DOCK6: variants seen among roughly 807,000 people sequenced by gnomAD.
DOCK6 encodes dedicator of cytokinesis 6, also known as dedicator of cytokinesis protein 6.
In DOCK6, 167 loss-of-function variants were observed where a neutral mutation model predicts 230.3. The observed-to-expected ratio is 0.73, with a 90% CI of 0.64 to 0.82. The LOEUF (loss-of-function observed/expected upper bound fraction) is 0.82. Among genes scored for constraint, DOCK6 ranks in the 40% least tolerant of loss-of-function variants. The pLI is 0.00. For missense variants in DOCK6, 2,598 were observed against 2,825.8 expected, an observed-to-expected ratio of 0.92 and a Z score of 1.83; for synonymous variants, 1,148 against 1,185.0, an observed-to-expected ratio of 0.97 and a Z score of 0.64.
At chr19:11,246,874 A>G (rs1599277866) in intron 7 of DOCK6, among the ~76,000 whole-genome samples, 1 of 151,706 alleles carries the variant, frequency 6.6e-6, no homozygotes, top group Non-Finnish European at 1.5e-5. Flanking sequence ...AACACTGAGC[A>G]CTCCCCGTTA....
intron 31 of DOCK6, 120 bp downstream of exon 31, chr19:11,215,681 T>A (rs2079473971): frequency 6.5e-7 from 1 of 1,533,152 alleles, no homozygotes; most frequent in Non-Finnish European, 8.9e-7. Context: ...ATTTGTGGAC[T>A]TCTCTCCAGG....
intron 14 of DOCK6, among the ~76,000 whole-genome samples, chr19:11,240,582 CTTTT>C (rs869249463): frequency 1.5e-5 from 2 of 136,318 alleles, no homozygotes. Context: ...TCAATAAATT[CTTTT>C]TTTTTTTTTT....
At chr19:11,214,017 A>T (rs1302970540) in intron 34 of DOCK6, among the ~76,000 whole-genome samples, 1 of 151,994 alleles carries the variant, frequency 6.6e-6, no homozygotes, top group Non-Finnish European at 1.5e-5. Flanking sequence ...TCCTAGGCTC[A>T]CATGATCTTC....
At chr19:11,229,385 G>A (rs1330278837) in intron 22 of DOCK6, 2 of 1,081,848 alleles carry the variant, frequency 1.8e-6, no homozygotes, top group South Asian at 3.5e-5. Context: ...AGTTGCAGTC[G>A]ATGGCCTATG....
intron 7 of DOCK6, 122 bp from the exon 8 acceptor site, chr19:11,246,000 C>T (rs2080027425): frequency 2.8e-6 from 3 of 1,083,570 alleles, no homozygotes; most frequent in South Asian, 3.0e-5. Context: ...GGAACCGCCA[C>T]TTAAGGGCTT....
intron 1 of DOCK6, 115 bp from the exon 2 acceptor site, chr19:11,253,841 A>G: frequency 4.0e-6 from 3 of 741,516 alleles, no homozygotes; most frequent in Non-Finnish European, 6.5e-6. Flanking sequence ...GCCGAGGGCC[A>G]AGAGAACCAG....
At chr19:11,226,643 A>G (rs2147796239) in intron 24 of DOCK6, among the ~76,000 whole-genome samples, 1 of 152,352 alleles carries the variant, frequency 6.6e-6, no homozygotes, top group South Asian at 2.1e-4. Context: ...GGACAACAAG[A>G]GTGAAACTCT....
rs745729978 is a variant in DOCK6, at chr19:11,212,127, C to T, written c.4516G>A (p.Val1506Ile). 6.2e-7 allele frequency: 1 copy of T among 1,611,402 alleles called. No homozygotes were observed. The highest frequency in any genetic ancestry group is 1.1e-5 in the South Asian group (1 of 90,964). Residue 1506 changes from valine (V) to isoleucine (I), a missense_variant, in exon 36 of 48, where the codon GTC becomes ATC. Transcript: ENST00000294618. ...ACCAGGGACGAGAGAGACATGGTGA[C>T]CTGCATCTTCACACGGGCAAAGTTC... ...GHNFARVKMQ[V>I]TMSLSSLVGT...
chr19:11,215,444 T>G lies in DOCK6; in HGVS notation c.4049A>C (p.Asn1350Thr). ...RERSPFGNPENVRWRKSVTHW... is the reference protein window; with the variant it reads ...RERSPFGNPETVRWRKSVTHW... ...TGTGACGCTCTTCCGCCAGCGCACA[T>G]TCTCCGGATTCCCAAACGGGCTCCT... The change falls in exon 32 of 48, where the codon AAT becomes ACT. Residue 1350 changes from asparagine to threonine, a missense_variant. By Grantham distance (65) the Asn-to-Thr change is moderately conservative. Transcript: ENST00000294618. The G allele has an allele frequency of 6.2e-7, 1 of 1,613,426 alleles. No homozygotes were observed. The highest frequency in any genetic ancestry group is 8.5e-7 in the Non-Finnish European group (1 of 1,179,850).
At chr19:11,216,588 T>C (rs934004783) in intron 30 of DOCK6, 13 of 281,718 alleles carry the variant, frequency 4.6e-5, no homozygotes, top group Non-Finnish European at 7.6e-5. Flanking sequence ...TTTGTATTTT[T>C]AGTAGAGACG....
chr19:11,240,232 G>A (rs773581407), intron 14 of DOCK6: 82 of 1,577,360 alleles, frequency 5.2e-5, no homozygotes, highest in Non-Finnish European at 6.2e-5. Context: ...AGCGTGCAGC[G>A]GCTAGAAGTC....
At chr19:11,248,253 T>TA (rs2080066819) in intron 6 of DOCK6, 102 bp from the exon 7 acceptor site, 6 of 855,462 alleles carry the variant, frequency 7.0e-6, no homozygotes, top group Non-Finnish European at 1.1e-5. Context: ...CCAGCCTGAC[T>TA]AACCGTCTTT....
chr19:11,252,504 C>T lies in DOCK6; in HGVS notation c.355G>A (p.Asp119Asn). 1 of 1,613,854 alleles carries T rather than the reference C, an allele frequency of 6.2e-7. No individual in the cohort carries two copies. Among genetic ancestry groups the T allele is most frequent in the African/African-American group, 1.3e-5 (1 of 75,034 alleles). The change falls in exon 4 of 48, where the codon GAC becomes AAC. Residue 119 changes from aspartate to asparagine, a missense_variant. Coordinates refer to ENST00000294618, the MANE Select transcript of DOCK6 (RefSeq NM_020812.4). ...VRAAVEMYIEDWVIVHRRYQY... is the reference protein window; with the variant it reads ...VRAAVEMYIENWVIVHRRYQY... ...CACCTTCTGTGGACAATGACCCAGT[C>T]CTCAATATACATCTCCACCGCGGCC...
chr19:11,203,989 T>TC, intron 41 of DOCK6, 92 bp downstream of exon 41: 4 of 1,504,984 alleles, frequency 2.7e-6, no homozygotes, highest in Non-Finnish European at 3.6e-6. Flanking sequence ...GCGGCCATGC[T>TC]CCTCTGGTGC....
At position 11,222,819 on chromosome 19, in the gene DOCK6, C is replaced by T. The variant is rs2147784612; in HGVS notation, c.3156G>A (p.Glu1052=). ...MEFTRILCSH[E]HYVTLNLPCC... is the part of the protein sequence containing the mutation. Reference sequence around the variant, plus strand: ...AGGGGAGGTTGAGGGTCACGTAGTGCTCGTGGCTGCACAGGATGCGGGTGA... The same window carrying T: ...AGGGGAGGTTGAGGGTCACGTAGTGTTCGTGGCTGCACAGGATGCGGGTGA... The change falls in exon 26 of 48, where the codon GAG becomes GAA. Residue 1052 remains glutamate, a synonymous_variant. Coordinates refer to ENST00000294618, the MANE Select transcript of DOCK6 (RefSeq NM_020812.4). The surrounding 1 kb of genome is among the most constrained non-coding windows in gnomAD (Gnocchi z 4.0). The T allele has an allele frequency of 1.3e-6, 2 of 1,595,342 alleles. No homozygotes were observed. Among genetic ancestry groups the T allele is most frequent in the South Asian group, 2.3e-5 (2 of 88,304 alleles).
At position 11,222,905 on chromosome 19, in the gene DOCK6, C is replaced by A; in HGVS notation, c.3070G>T (p.Val1024Leu). ...GGGGACGACTGGAGCCGCGTGGCCA[C>A]CTGCAGGAGAGGGGTGGCCATCAGT... The part of the protein sequence containing the change: ...FSLVRAHYKQ[V>L]ATRLQSSPNP... Residue 1024 changes from valine to leucine, a missense_variant and splice_region_variant, in exon 26 of 48, where the codon GTG becomes TTG. By Grantham distance (32) the Val-to-Leu change is conservative. Transcript: ENST00000294618. The surrounding 1 kb of genome is among the most constrained non-coding windows in gnomAD (Gnocchi z 4.0). 3 of 1,610,842 alleles carry A rather than the reference C, an allele frequency of 1.9e-6. No individual in the cohort carries two copies. The highest frequency in any genetic ancestry group is 1.1e-5 in the South Asian group (1 of 90,688).
intron 24 of DOCK6, 133 bp from the exon 25 acceptor site, chr19:11,223,239 G>T (rs1346434871): frequency 5.2e-6 from 4 of 773,398 alleles, no homozygotes; most frequent in Non-Finnish European, 8.2e-6. Flanking sequence ...GGGCTGTGGT[G>T]ACTCTGGGAC....
At chr19:11,224,462 C>T (rs1404592595) in intron 24 of DOCK6, among the ~76,000 whole-genome samples, 4 of 152,034 alleles carry the variant, frequency 2.6e-5, no homozygotes, top group African/African-American at 9.7e-5. Context: ...CCGCCCTCCT[C>T]GGCCTCCTAA....
intron 22 of DOCK6, chr19:11,229,285 C>G: frequency 7.8e-7 from 1 of 1,286,836 alleles, no homozygotes; most frequent in Non-Finnish European, 9.9e-7. Context: ...TCATCCGCAC[C>G]TCCCCCCACT....
Sources: gnomAD v4.1 joint callset for allele counts (sites outside exome capture counted in the v4.1 genomes callset) on GRCh38, gnomAD v4.1.1 for gene constraint, Gnocchi (gnomAD v3.1) non-coding constraint, MANE v1.5 for transcripts, NCBI Gene and HGNC (gene_info 2026-07-23, HGNC 2026-07-21) for gene names.